CNTN4: variants seen among roughly 807,000 people sequenced by gnomAD.
CNTN4 encodes the protein contactin-4.
A neutral mutation model predicts 122.5 loss-of-function variants in CNTN4; 77 were observed. The ratio of observed to expected loss-of-function variants is 0.63; its 90% confidence interval spans 0.52 to 0.76. The LOEUF (loss-of-function observed/expected upper bound fraction) is 0.76. CNTN4 is among the 30% of genes least tolerant of loss of function. CNTN4 has a pLI of 0.00. For missense variants in CNTN4, 1,256 were observed against 1,259.1 expected, an observed-to-expected ratio of 1.00 and a Z score of 0.04; for synonymous variants, 512 against 447.0, an observed-to-expected ratio of 1.15 and a Z score of -1.83.
chr3:2,770,112 C>G (rs1045377377), intron 6 of CNTN4, among the ~76,000 whole-genome samples: 3 of 151,860 alleles, frequency 2.0e-5, no homozygotes, highest in African/African-American at 7.3e-5. Flanking sequence ...TCACTGCAAC[C>G]TCCAACTCCC....
intron 7 of CNTN4, among the ~76,000 whole-genome samples, chr3:2,824,091 T>C (rs1441173812): frequency 2.0e-5 from 3 of 150,834 alleles, no homozygotes; most frequent in African/African-American, 7.3e-5. Flanking sequence ...GTTAAAACCA[T>C]AGGTGTCCAA....
chr3:2,417,609 A>G (rs2047462889), intron 3 of CNTN4, among the ~76,000 whole-genome samples: 1 of 152,198 alleles, frequency 6.6e-6, no homozygotes, highest in Admixed American at 6.5e-5. Flanking sequence ...TTATGATACA[A>G]TCCAGCAATC....
intron 4 of CNTN4, among the ~76,000 whole-genome samples, chr3:2,660,572 G>C (rs185540103): frequency 1.2e-3 from 184 of 152,250 alleles, no homozygotes; most frequent in Non-Finnish European, 2.1e-3. Context: ...TAAAACTGTG[G>C]TATGGAGCAA....
chr3:2,369,329 G>A (rs1175093045), intron 3 of CNTN4, among the ~76,000 whole-genome samples: 1 of 152,132 alleles, frequency 6.6e-6, no homozygotes, highest in South Asian at 2.1e-4. Flanking sequence ...GTGAGAGTAG[G>A]ACTTTCCCCT....
intron 2 of CNTN4, among the ~76,000 whole-genome samples, chr3:2,166,135 C>A (rs1428189518): frequency 6.6e-6 from 1 of 152,024 alleles, no homozygotes; most frequent in Non-Finnish European, 1.5e-5. Context: ...TACTGTTTTG[C>A]ATAATGGTAT....
At chr3:2,355,674 G>T (rs1203175691) in intron 3 of CNTN4, among the ~76,000 whole-genome samples, 1 of 152,006 alleles carries the variant, frequency 6.6e-6, no homozygotes, top group Non-Finnish European at 1.5e-5. Context: ...TATGTATTCA[G>T]TCGATACTGG....
intron 4 of CNTN4, among the ~76,000 whole-genome samples, chr3:2,603,303 A>G (rs1297988916): frequency 6.6e-6 from 1 of 152,216 alleles, no homozygotes; most frequent in African/African-American, 2.4e-5. Context: ...AATATACAAC[A>G]TGAAATTTTT....
At chr3:2,575,094 C>T (rs1287463465) in intron 4 of CNTN4, among the ~76,000 whole-genome samples, 1 of 151,918 alleles carries the variant, frequency 6.6e-6, no homozygotes, top group Admixed American at 6.6e-5. Context: ...TAAAGATAAA[C>T]AAACATTTAA....
rs192573834 is a variant in CNTN4 at position 3,043,634 on chromosome 3, A to G, written c.2741A>G (p.Asp914Gly). 5 of 1,614,078 alleles carry G rather than the reference A, an allele frequency of 3.1e-6. No homozygotes were observed. Among genetic ancestry groups the G allele is most frequent in the Middle Eastern group, 1.7e-4 (1 of 6,060 alleles). The change falls in exon 23 of 25, where the codon GAC (aspartate) becomes GGC (glycine). Residue 914 changes from aspartate to glycine, a missense_variant. Asp to Gly is a moderately conservative substitution (Grantham distance 94). Coordinates refer to ENST00000418658, the MANE Select transcript of CNTN4 (RefSeq NM_175607.3). Reference sequence around the variant, plus strand: ...GGAAACATCATATGGAATTCATCAGACTCCAAAATTATCCTGAATTGGGAT... The same window carrying G: ...GGAAACATCATATGGAATTCATCAGGCTCCAAAATTATCCTGAATTGGGAT... ...PPGNIIWNSS[D>G]SKIILNWDQV...
rs1174453318 is a variant in CNTN4 at position 2,532,911 on chromosome 3, C to G, written c.-88-38505C>G. ...AGAGATTATATTTTACTGAAAAACA[C>G]TGTAGAACTCATAGCCTTACGAGTT... On this transcript the variant is annotated intron_variant, in intron 3 of 24. Transcript: ENST00000418658. 2.0e-5 allele frequency among the ~76,000 whole-genome samples: 3 copies of G among 152,094 alleles called. No individual in the cohort carries two copies. In the East Asian group the frequency reaches 5.8e-4, roughly 29 times the overall value.
chr3:2,875,005 T>G (rs774034464), intron 8 of CNTN4, among the ~76,000 whole-genome samples: 2 of 152,060 alleles, frequency 1.3e-5, no homozygotes, highest in Non-Finnish European at 2.9e-5. Context: ...TTTTTTGAGA[T>G]AGAGTCTGTC....
chr3:2,535,593 TA>T (rs1368458354), intron 3 of CNTN4, among the ~76,000 whole-genome samples: 2 of 152,148 alleles, frequency 1.3e-5, no homozygotes. Flanking sequence ...TCCCAGTTCA[TA>T]TGCTGCTTGG....
At chr3:2,714,478 T>G (rs1334461013) in intron 4 of CNTN4, among the ~76,000 whole-genome samples, 1 of 152,094 alleles carries the variant, frequency 6.6e-6, no homozygotes, top group African/African-American at 2.4e-5. Context: ...TTGGATGCTA[T>G]GCCAAAAAAG....
intron 7 of CNTN4, among the ~76,000 whole-genome samples, chr3:2,840,089 ACTCAGGGAAG>A (rs1194623948): frequency 6.6e-6 from 1 of 152,066 alleles, no homozygotes; most frequent in Non-Finnish European, 1.5e-5. Flanking sequence ...GAGTCACCAC[ACTCAGGGAAG>A]CCCAACCCAA....
At chr3:2,551,860 T>G (rs2728054) in intron 3 of CNTN4, among the ~76,000 whole-genome samples, 38,543 of 151,984 alleles carry the variant, frequency 0.25, 5,762 homozygotes, top group Admixed American at 0.35. Flanking sequence ...TAGTTATTAA[T>G]AGAATCTTTC....
intron 13 of CNTN4, among the ~76,000 whole-genome samples, chr3:2,949,768 A>G (rs1343496645): frequency 6.6e-6 from 1 of 152,196 alleles, no homozygotes; most frequent in African/African-American, 2.4e-5. Flanking sequence ...CCCATTTTGC[A>G]TAATTTAACT....
chr3:2,785,379 T>C (rs564364863), intron 6 of CNTN4, among the ~76,000 whole-genome samples: 2 of 151,650 alleles, frequency 1.3e-5, no homozygotes, highest in Admixed American at 6.6e-5. Context: ...GCAAAAGGAG[T>C]GAATTCCTCT....
intron 3 of CNTN4, among the ~76,000 whole-genome samples, chr3:2,389,332 GCCTTCTC>G (rs1559510587): frequency 2.1e-5 from 3 of 142,786 alleles, no homozygotes; most frequent in African/African-American, 2.7e-5. Context: ...CATGGCTGCA[GCCTTCTC>G]ATTATGTTGT....
chr3:2,339,861 C>T (rs1178902642), intron 3 of CNTN4, among the ~76,000 whole-genome samples: 1 of 152,178 alleles, frequency 6.6e-6, no homozygotes, highest in African/African-American at 2.4e-5. Flanking sequence ...AAATGAAACT[C>T]TCAGCAGGAA....
Sources: gnomAD v4.1 joint callset for allele counts (sites outside exome capture counted in the v4.1 genomes callset) on GRCh38, gnomAD v4.1.1 for gene constraint, MANE v1.5 for transcripts, NCBI Gene and HGNC (gene_info 2026-07-23, HGNC 2026-07-21) for gene names.